Variants in HEBP1 observed in about 807,000 individuals in gnomAD.
HEBP1 encodes heme-binding protein 1.
HEBP1 carries 13 observed loss-of-function variants against 20.4 expected under a neutral mutation model. The observed-to-expected ratio is 0.64, with a 90% confidence interval of 0.42 to 1.01. The LOEUF is 1.01. Among genes scored for constraint, HEBP1 ranks in the 50% least tolerant of loss-of-function variants. The pLI is 0.00. For synonymous variants in HEBP1, 92 were observed against 90.7 expected (o/e 1.01, Z -0.08); for missense variants, 241 against 247.3 (o/e 0.97, Z 0.17).
Position 12,975,389 on chromosome 12 carries a change from C to T in HEBP1, c.489G>A (p.Gly163=), listed in dbSNP as rs771003526. 51 of 1,613,674 alleles carry T rather than the reference C, an allele frequency of 3.2e-5. No individual in the cohort carries two copies. The highest frequency in any genetic ancestry group is 3.9e-5 in the Non-Finnish European group (46 of 1,179,848). ...CATAACCCGTGCAGAAGTAGATGTCCCCCCGGTAGGTGGCTGTGCCCTCCA... is the reference window on the plus strand; with the variant it reads ...CATAACCCGTGCAGAAGTAGATGTCTCCCCGGTAGGTGGCTGTGCCCTCCA... ...AALEGTATYR[G]DIYFCTGYDP... Residue 163 remains glycine, a synonymous_variant, in exon 4 of 4, where the codon GGG becomes GGA. Coordinates refer to ENST00000014930, the MANE Select transcript of HEBP1 (RefSeq NM_015987.5).
At chr12:12,981,019 T>C (rs535927126) in intron 3 of HEBP1, among the ~76,000 whole-genome samples, 14 of 152,294 alleles carry the variant, frequency 9.2e-5, no homozygotes, top group Admixed American at 3.3e-4. Flanking sequence ...AAGGACACTT[T>C]AGAAGGGTCA....
chr12:12,983,195 T>A (rs988806112), intron 3 of HEBP1: 1 of 153,384 alleles, frequency 6.5e-6, no homozygotes, highest in African/African-American at 2.4e-5. Flanking sequence ...AACCTGGTGC[T>A]GAAATGAGCT....
At chr12:12,978,280 G>A (rs1418008840) in intron 3 of HEBP1, among the ~76,000 whole-genome samples, 1 of 132,630 alleles carries the variant, frequency 7.5e-6, no homozygotes, top group Non-Finnish European at 1.5e-5. Flanking sequence ...GCGCAATCTC[G>A]GCTCATTGCA....
intron 3 of HEBP1, among the ~76,000 whole-genome samples, chr12:12,981,168 G>T (rs1259499679): frequency 6.6e-6 from 1 of 152,090 alleles, no homozygotes; most frequent in African/African-American, 2.4e-5. Context: ...AAGTGAAGGA[G>T]TCAGAATGAC....
At chr12:12,985,290 A>G (rs1864138268) in intron 3 of HEBP1, among the ~76,000 whole-genome samples, 1 of 152,212 alleles carries the variant, frequency 6.6e-6, no homozygotes, top group Admixed American at 6.5e-5. Context: ...ATATTTATGA[A>G]TGAAATAATA....
chr12:12,990,055 C>G (rs1239906782), intron 1 of HEBP1, among the ~76,000 whole-genome samples: 1 of 152,054 alleles, frequency 6.6e-6, no homozygotes, highest in African/African-American at 2.4e-5. Flanking sequence ...TAAATCATCT[C>G]TACATTACTT....
chr12:12,987,399 C>CTT, intron 2 of HEBP1, 67 bp from the exon 3 acceptor site: 1 of 1,223,926 alleles, frequency 8.2e-7, no homozygotes, highest in East Asian at 2.4e-5. Context: ...CTGTGGAAGA[C>CTT]ACATTAGTTC....
rs900295675 is a variant in HEBP1, at chr12:12,975,122, A to G, written c.*186T>C. On this transcript the variant is annotated 3_prime_UTR_variant, in exon 4 of 4. Coordinates refer to ENST00000014930, the MANE Select transcript of HEBP1 (RefSeq NM_015987.5). ...GCATATCTTGGCTGTATTATTTCCT[A>G]CTGTGAGAAAAGAGACTTAGTATAT... is the stretch of plus-strand genomic sequence containing the variant. The G allele has an allele frequency of 5.6e-6, 3 of 538,248 alleles. No individual in the cohort carries two copies. The highest frequency in any genetic ancestry group is 2.3e-5 in the South Asian group (1 of 43,600). 33.3% of individuals were successfully genotyped at this position (538,248 alleles called of 1,614,324 possible).
rs1281795259 is a variant in HEBP1 at position 12,997,085 on chromosome 12, A to T, written c.78+2952T>A. Among the ~76,000 whole-genome samples, 3 of 152,334 alleles carry T rather than the reference A, an allele frequency of 2.0e-5. No homozygotes were observed. In the East Asian group the frequency reaches 5.8e-4, roughly 29 times the overall value. On this transcript the variant is annotated intron_variant, in intron 1 of 3. Transcript: ENST00000014930. ...GTAACTCTGGAAATAGATGGAAAAGATATTTTTATACTCATTTTATAGCTG... is the reference window on the plus strand; with the variant it reads ...GTAACTCTGGAAATAGATGGAAAAGTTATTTTTATACTCATTTTATAGCTG...
intron 3 of HEBP1, chr12:12,980,236 G>A (rs1459807660): frequency 6.6e-6 from 1 of 152,206 alleles, no homozygotes; most frequent in Non-Finnish European, 1.5e-5. Flanking sequence ...TTATTGAGTT[G>A]AACATCACTG....
At chr12:12,979,820 G>A (rs1158573483) in intron 3 of HEBP1, 21 of 152,260 alleles carry the variant, frequency 1.4e-4, no homozygotes, top group African/African-American at 4.6e-4. Context: ...TGGTTACCAT[G>A]GGAACTGAGG....
intron 3 of HEBP1, among the ~76,000 whole-genome samples, chr12:12,981,478 T>G (rs1172968332): frequency 6.6e-6 from 1 of 152,102 alleles, no homozygotes; most frequent in Non-Finnish European, 1.5e-5. Flanking sequence ...GAGAAAATGG[T>G]GATTAATTAG....
chr12:12,982,340 T>A (rs893924768), intron 3 of HEBP1, among the ~76,000 whole-genome samples: 1 of 152,222 alleles, frequency 6.6e-6, no homozygotes, highest in Non-Finnish European at 1.5e-5. Context: ...AGGCCCCTTT[T>A]AATCAAAGTG....
At chr12:12,997,325 C>G (rs574458575) in intron 1 of HEBP1, among the ~76,000 whole-genome samples, 1 of 152,264 alleles carries the variant, frequency 6.6e-6, no homozygotes, top group African/African-American at 2.4e-5. Flanking sequence ...CACTTCGATG[C>G]AAGGGATTGG....
rs1488430680 is a variant in HEBP1, at chr12:12,986,530, C to T, written c.398+622G>A. The T allele has an allele frequency of 6.6e-6, 1 of 152,206 alleles. No homozygotes were observed. The highest frequency in any genetic ancestry group is 2.4e-5 in the African/African-American group (1 of 41,414). 9.4% of individuals were successfully genotyped at this position (152,206 alleles called of 1,614,324 possible). ...ACAAATGTGAGGAGTCATCAATGAT[C>T]TAGAAGACTTGGTTTCTGAGGGCAG... On this transcript the variant is annotated intron_variant, in intron 3 of 3. Coordinates refer to ENST00000014930, the MANE Select transcript of HEBP1 (RefSeq NM_015987.5). This position sits in a 1 kb window ranked among gnomAD's most constrained non-coding sequence, Gnocchi z 4.3.
intron 2 of HEBP1, among the ~76,000 whole-genome samples, chr12:12,987,612 T>TGTCTC (rs1230851526): frequency 8.5e-6 from 1 of 117,840 alleles, no homozygotes. Context: ...CTCTCTCTCT[T>TGTCTC]TCTCTCTCTC....
intron 3 of HEBP1, among the ~76,000 whole-genome samples, chr12:12,978,145 C>T (rs1864020514): frequency 6.7e-6 from 1 of 150,350 alleles, no homozygotes; most frequent in Admixed American, 6.6e-5. Flanking sequence ...GCCTTGAATG[C>T]CATGCTAAAG....
At chr12:12,982,320 C>T (rs999551784) in intron 3 of HEBP1, among the ~76,000 whole-genome samples, 3 of 152,164 alleles carry the variant, frequency 2.0e-5, no homozygotes, top group South Asian at 2.1e-4. Context: ...TTCAATAGAA[C>T]GGCTGGACAA....
intron 3 of HEBP1, among the ~76,000 whole-genome samples, chr12:12,981,117 C>G (rs1053899386): frequency 1.3e-5 from 2 of 152,048 alleles, no homozygotes; most frequent in African/African-American, 4.8e-5. Flanking sequence ...AAGGAAGGGA[C>G]AGCTGGGAGC....
Sources: allele counts gnomAD v4.1 joint callset (sites outside exome capture counted in the v4.1 genomes callset), GRCh38; gene constraint gnomAD v4.1.1; non-coding constraint Gnocchi (gnomAD v3.1); transcripts MANE v1.5; gene names NCBI Gene and HGNC (gene_info 2026-07-23, HGNC 2026-07-21).